The following ZC3H4 variants were observed in gnomAD, a reference collection of about 807,000 sequenced individuals.
ZC3H4 encodes zinc finger CCCH-type containing 4, also known as zinc finger CCCH domain-containing protein 4.
Under a neutral mutation model 108.3 loss-of-function variants are expected in ZC3H4, and 13 were observed. The ratio of observed to expected loss-of-function variants is 0.12; its 90% CI spans 0.08 to 0.19. The LOEUF is 0.19. ZC3H4 is among the 10% of genes least tolerant of loss of function. The pLI, the probability that ZC3H4 is intolerant of heterozygous loss-of-function variation, is 1.00. For synonymous variants in ZC3H4, 917 were observed against 749.6 expected (o/e 1.22, Z -3.65); for missense variants, 1,734 against 1,838.8 (o/e 0.94, Z 1.04).
At chr19:47,096,847 G>A (rs1420277358) in intron 2 of ZC3H4, 2 of 985,306 alleles carry the variant, frequency 2.0e-6, no homozygotes, top group African/African-American at 1.7e-5. Context: ...CAAGGCAGGT[G>A]CCTGATCATC....
intron 11 of ZC3H4, among the ~76,000 whole-genome samples, chr19:47,080,164 A>G (rs547048300): frequency 7.4e-4 from 112 of 152,334 alleles, no homozygotes; most frequent in Admixed American, 3.3e-4. Flanking sequence ...ACTAGAAGGC[A>G]GGAAAGCTTC....
chr19:47,091,496 C>A (rs2057730312), intron 4 of ZC3H4, among the ~76,000 whole-genome samples: 1 of 151,920 alleles, frequency 6.6e-6, no homozygotes, highest in Non-Finnish European at 1.5e-5. Context: ...ATCACTTGAA[C>A]CCGGGAGGCA....
intron 2 of ZC3H4, among the ~76,000 whole-genome samples, chr19:47,097,971 GCCC>G (rs2057849734): frequency 6.6e-6 from 1 of 152,210 alleles, no homozygotes; most frequent in South Asian, 2.1e-4. Flanking sequence ...CTTGGAACTG[GCCC>G]CCATGAGGAA....
In ZC3H4 at chr19:47,066,746, A is replaced by C; in HGVS notation, c.3522T>G (p.Ala1174=). Residue 1174 remains alanine, a synonymous_variant, in exon 15 of 15, where the codon GCT becomes GCG. Coordinates refer to ENST00000253048, the MANE Select transcript of ZC3H4 (RefSeq NM_015168.2). ...AGGCCGAGCTCTTGCCATTGCCCTCAGCACCCTTGGGCTGGGCACCCGTGT... is the reference window on the plus strand; with the variant it reads ...AGGCCGAGCTCTTGCCATTGCCCTCCGCACCCTTGGGCTGGGCACCCGTGT... ...AADTGAQPKG[A]EGNGKSSASK... 1 of 1,605,558 alleles carries C rather than the reference A, an allele frequency of 6.2e-7. No individual in the cohort carries two copies. The highest frequency in any genetic ancestry group is 8.5e-7 in the Non-Finnish European group (1 of 1,178,468).
chr19:47,110,615 T>C (rs1200545737), intron 2 of ZC3H4, among the ~76,000 whole-genome samples: 2 of 152,178 alleles, frequency 1.3e-5, no homozygotes, highest in Admixed American at 1.3e-4. Context: ...ATCATTGAAT[T>C]ACTCAATAAA....
At chr19:47,079,038 T>G (rs1017240041) in intron 11 of ZC3H4, among the ~76,000 whole-genome samples, 5 of 150,608 alleles carry the variant, frequency 3.3e-5, no homozygotes, top group Non-Finnish European at 7.4e-5. Context: ...TTTCCATTTT[T>G]TTTTTTTTGA....
intron 2 of ZC3H4, among the ~76,000 whole-genome samples, chr19:47,100,252 A>C (rs1442384147): frequency 6.6e-6 from 1 of 152,146 alleles, no homozygotes; most frequent in Non-Finnish European, 1.5e-5. Context: ...AACCTCACGG[A>C]GGGATTTTCA....
intron 1 of ZC3H4, among the ~76,000 whole-genome samples, chr19:47,112,847 C>G (rs1405555214): frequency 2.6e-5 from 4 of 152,082 alleles, no homozygotes; most frequent in African/African-American, 7.2e-5. Flanking sequence ...GAGCCCCCCC[C>G]CCACGCACCC....
chr19:47,105,018 G>A (rs1384239657), intron 2 of ZC3H4, among the ~76,000 whole-genome samples: 1 of 152,178 alleles, frequency 6.6e-6, no homozygotes, highest in Non-Finnish European at 1.5e-5. Flanking sequence ...CTAGGCTTGG[G>A]CCTCTACATT....
rs1268808680 is a variant in ZC3H4 at position 47,065,084 on chromosome 19, C to A, written c.*1272G>T. ...AGGCCTCCCCCAGCACCCCTTGCGC[C>A]CATCTCTCGGGCTGTGTCCATAGGT... On this transcript the variant is annotated 3_prime_UTR_variant, in exon 15 of 15. Coordinates refer to ENST00000253048, the MANE Select transcript of ZC3H4 (RefSeq NM_015168.2). The A allele has an allele frequency of 6.6e-6, 1 of 152,528 alleles. No individual in the cohort carries two copies. Among genetic ancestry groups the A allele is most frequent in the Non-Finnish European group, 1.5e-5 (1 of 68,304 alleles). 9.4% of individuals were successfully genotyped at this position (152,528 alleles called of 1,614,324 possible). A position where few individuals can be genotyped will look rare whatever the true frequency, so the allele number is the denominator to read the frequency against.
chr19:47,084,498 A>C, intron 8 of ZC3H4, 43 bp from the exon 9 acceptor site: 1 of 1,601,788 alleles, frequency 6.2e-7, no homozygotes, highest in East Asian at 2.2e-5. Flanking sequence ...ATGAAAGGGA[A>C]GGGTAGAGAT....
At chr19:47,112,222 A>C (rs1160129554) in intron 2 of ZC3H4, 1 of 1,173,570 alleles carries the variant, frequency 8.5e-7, no homozygotes, top group Non-Finnish European at 1.1e-6. Flanking sequence ...GAGGGGGGGG[A>C]AACGCATGAG....
At chr19:47,069,944 A>C (rs948456208) in intron 13 of ZC3H4, among the ~76,000 whole-genome samples, 1 of 152,182 alleles carries the variant, frequency 6.6e-6, no homozygotes, top group African/African-American at 2.4e-5. Context: ...CACCTCCTGC[A>C]GCGTGGGCAC....
At chr19:47,088,662 T>A (rs539715286) in intron 5 of ZC3H4, among the ~76,000 whole-genome samples, 1 of 151,478 alleles carries the variant, frequency 6.6e-6, no homozygotes, top group East Asian at 2.0e-4. Flanking sequence ...TGTCTCCCAA[T>A]AAACAAAAAA....
intron 2 of ZC3H4, among the ~76,000 whole-genome samples, chr19:47,100,117 G>A (rs1277309435): frequency 6.6e-6 from 1 of 152,184 alleles, no homozygotes; most frequent in African/African-American, 2.4e-5. Context: ...CGATTCTGCG[G>A]ACTAGTCGTT....
chr19:47,108,456 T>G (rs934460406), intron 2 of ZC3H4, among the ~76,000 whole-genome samples: 1 of 151,912 alleles, frequency 6.6e-6, no homozygotes, highest in Admixed American at 6.6e-5. Context: ...CAAAAGGAAG[T>G]GAAGGACCCT....
At chr19:47,097,035 G>T (rs573330297) in intron 2 of ZC3H4, 30 of 975,938 alleles carry the variant, frequency 3.1e-5, no homozygotes, top group Non-Finnish European at 3.7e-5. Context: ...TAACACCTGC[G>T]GGCAGAGGAC....
Position 47,081,546 on chromosome 19 carries a change from A to T in ZC3H4, c.1407T>A (p.Pro469=), listed in dbSNP as rs1384270484. Residue 469 remains proline (P), a synonymous_variant, in exon 11 of 15, where the codon CCT becomes CCA. Coordinates refer to ENST00000253048, the MANE Select transcript of ZC3H4 (RefSeq NM_015168.2). ...AGAGCTCCCTCGTCTCTTCGGTCAG[A>T]GGGTCGTGGGAAAACATGCAGTCGT... ...NGDDCMFSHD[P]LTEETRELLD... 1 of 1,614,224 alleles carries T rather than the reference A, an allele frequency of 6.2e-7. No individual in the cohort carries two copies. Among genetic ancestry groups the T allele is most frequent in the Non-Finnish European group, 8.5e-7 (1 of 1,180,028 alleles).
At chr19:47,093,922 T>C in intron 4 of ZC3H4, 48 bp downstream of exon 4, 1 of 1,540,886 alleles carries the variant, frequency 6.5e-7, no homozygotes, top group Non-Finnish European at 8.9e-7. Context: ...CACAAGCAGT[T>C]GAACTCCTCC....
Sources: allele counts gnomAD v4.1 joint callset (sites outside exome capture counted in the v4.1 genomes callset), GRCh38; gene constraint gnomAD v4.1.1; transcripts MANE v1.5; gene names NCBI Gene and HGNC (gene_info 2026-07-23, HGNC 2026-07-21).